Variants in ZNF420 observed in about 807,000 individuals in gnomAD.
The protein encoded by ZNF420 is ATM and p53-associated KZNF protein.
ZNF420 carries 31 observed loss-of-function variants against 44.7 expected under a neutral mutation model. The ratio of observed to expected loss-of-function variants is 0.69; its 90% CI spans 0.52 to 0.94. ZNF420 has a LOEUF of 0.94. Among genes scored for constraint, ZNF420 ranks in the 40% least tolerant of loss-of-function variants. The probability of loss-of-function intolerance (pLI) is 0.00; values close to 1 mark genes in which losing one functional copy is unlikely to be tolerated. For synonymous variants in ZNF420, 245 were observed against 267.4 expected, an observed-to-expected ratio of 0.92 and a Z score of 0.82; for missense variants, 681 against 827.9, an observed-to-expected ratio of 0.82 and a Z score of 2.18.
At chr19:37,027,349 C>T (rs754596824) in intron 1 of ZNF420, among the ~76,000 whole-genome samples, 20 of 152,188 alleles carry the variant, frequency 1.3e-4, no homozygotes, top group Non-Finnish European at 2.8e-4. Context: ...ATCCCCCTCA[C>T]ACCATAGTAC....
chr19:37,049,582 ATTTG>A (rs1337942485), intron 1 of ZNF420, among the ~76,000 whole-genome samples: 6 of 151,984 alleles, frequency 3.9e-5, no homozygotes, highest in African/African-American at 7.3e-5. Context: ...TTTCTTGTAA[ATTTG>A]TTTGAGTTCA....
intron 1 of ZNF420, among the ~76,000 whole-genome samples, chr19:37,046,604 G>C (rs1967545842): frequency 6.6e-6 from 1 of 152,170 alleles, no homozygotes; most frequent in African/African-American, 2.4e-5. Context: ...GGGGCTGAAA[G>C]GTGTGAATCA....
chr19:37,014,991 G>T (rs1003012894), intron 1 of ZNF420, among the ~76,000 whole-genome samples: 1 of 152,186 alleles, frequency 6.6e-6, no homozygotes, highest in East Asian at 1.9e-4. Flanking sequence ...CTTGAAAGTC[G>T]TCCCCCCGGG....
rs147243979 is a variant in ZNF420, at chr19:37,112,462, T to C, written c.137-14666T>C. Among the ~76,000 whole-genome samples, 514 of 152,338 alleles carry C rather than the reference T, an allele frequency of 3.4e-3. 5 individuals are homozygous for C. The highest frequency in any genetic ancestry group is 0.012 in the African/African-American group (495 of 41,590). ...TTTGATACACTTCTGAGGCAGTGCC[T>C]ACGCCGACAAGTCCTGTAACAGCCT... On this transcript the variant is annotated intron_variant, in intron 4 of 4. Coordinates refer to ENST00000337995, the MANE Select transcript of ZNF420 (RefSeq NM_144689.5).
At chr19:37,076,380 A>ATT (rs869100761), upstream of ZNF420, among the ~76,000 whole-genome samples, 1 of 106,850 alleles carries the variant, frequency 9.4e-6, no homozygotes, top group Non-Finnish European at 2.0e-5. Context: ...TTTTATTTTT[A>ATT]TTTATTTATT....
At chr19:37,022,192 AT>A (rs1451918211) in intron 1 of ZNF420, among the ~76,000 whole-genome samples, 2 of 151,442 alleles carry the variant, frequency 1.3e-5, no homozygotes, top group Admixed American at 6.6e-5. Flanking sequence ...GGGCAAAAAA[AT>A]CTAATGTGGC....
At chr19:37,053,296 A>G (rs996704653) in intron 1 of ZNF420, among the ~76,000 whole-genome samples, 2 of 152,292 alleles carry the variant, frequency 1.3e-5, no homozygotes, top group Non-Finnish European at 2.9e-5. Flanking sequence ...CCTCTTTGCC[A>G]TGGGTTCAAA....
intron 1 of ZNF420, among the ~76,000 whole-genome samples, chr19:37,043,214 T>C (rs569301283): frequency 1.3e-5 from 2 of 152,332 alleles, no homozygotes; most frequent in African/African-American, 2.4e-5. Context: ...GTGGCACAGA[T>C]AGACGCTCCA....
At chr19:37,121,174 C>T (rs1971010770) in intron 4 of ZNF420, among the ~76,000 whole-genome samples, 2 of 145,124 alleles carry the variant, frequency 1.4e-5, no homozygotes, top group Admixed American at 1.4e-4. Flanking sequence ...CAAGTCAATC[C>T]TAAGCCAAAA....
chr19:37,008,678 G>A (rs2074546700), intron 1 of ZNF420, among the ~76,000 whole-genome samples: 1 of 152,206 alleles, frequency 6.6e-6, no homozygotes, highest in Non-Finnish European at 1.5e-5. Context: ...CCCTGTCACT[G>A]GAACACTGGC....
At chr19:37,054,174 T>A (rs762184095) in intron 1 of ZNF420, among the ~76,000 whole-genome samples, 1 of 152,162 alleles carries the variant, frequency 6.6e-6, no homozygotes, top group Non-Finnish European at 1.5e-5. Context: ...TGGGATATAA[T>A]CTCCTGGTGT....
upstream of ZNF420, among the ~76,000 whole-genome samples, chr19:37,076,959 TTC>T (rs1395029088): frequency 6.6e-6 from 1 of 152,190 alleles, no homozygotes; most frequent in Non-Finnish European, 1.5e-5. Flanking sequence ...CCCTCAAGAA[TTC>T]TGATCACCAA....
intron 1 of ZNF420, among the ~76,000 whole-genome samples, chr19:37,016,862 G>A (rs142699945): frequency 6.6e-6 from 1 of 152,314 alleles, no homozygotes; most frequent in East Asian, 1.9e-4. Context: ...CAAGTCTGAA[G>A]CAAGATGACT....
At chr19:37,076,082 A>G (rs562465359), upstream of ZNF420, among the ~76,000 whole-genome samples, 6 of 152,244 alleles carry the variant, frequency 3.9e-5, no homozygotes, top group South Asian at 1.0e-3. Context: ...ACATATCAAC[A>G]CATATAAAAT....
chr19:37,065,884 A>G lies in ZNF420; in HGVS notation c.-124-14461A>G, dbSNP rs373775817. ...CAATAAATGGCACTAGAACAACTTG[A>G]TATCCATACAGAAAAAGAAATAAAT... On this transcript the variant is annotated intron_variant, in intron 1 of 4. Coordinates refer to the ZNF420 transcript ENST00000587029. Among the ~76,000 whole-genome samples, 15 of 152,330 alleles carry G rather than the reference A, an allele frequency of 9.8e-5. No individual in the cohort carries two copies. In the South Asian group the frequency reaches 3.1e-3, roughly 32 times the overall value.
chr19:37,125,791 C>T (rs992650257), intron 4 of ZNF420, among the ~76,000 whole-genome samples: 1 of 9,334 alleles, frequency 1.1e-4, no homozygotes, highest in African/African-American at 1.3e-3. Flanking sequence ...CACCATAATC[C>T]AAATTTTTGA....
rs374214806 is a variant in ZNF420 at position 37,043,612 on chromosome 19, C to CTGTA, written c.-125+35531_-125+35532insGTAT. Among the ~76,000 whole-genome samples, 490 of 152,244 alleles carry CTGTA rather than the reference C, an allele frequency of 3.2e-3. 5 individuals carry two copies. Among genetic ancestry groups the CTGTA allele is most frequent in the African/African-American group, 0.011 (471 of 41,538 alleles). ...GCCTCAGCCTTCCAAGTAGCTGGGACTACAGGCCCTGTCACCATGCCCAGC... is the reference window on the plus strand; with the variant it reads ...GCCTCAGCCTTCCAAGTAGCTGGGACTGTATACAGGCCCTGTCACCATGCCCAGC... On this transcript the variant is annotated intron_variant, in intron 1 of 4. Transcript: ENST00000587029.
At chr19:37,090,971 T>C in intron 3 of ZNF420, 24 bp from the exon 4 acceptor site, 1 of 1,595,674 alleles carries the variant, frequency 6.3e-7, no homozygotes, top group Non-Finnish European at 8.5e-7. Flanking sequence ...ATTTCCAAAA[T>C]TAACATTTTG....
chr19:37,021,335 TCTGCTCA>T (rs145466740), intron 1 of ZNF420, among the ~76,000 whole-genome samples: 3,676 of 152,280 alleles, frequency 0.024, 160 homozygotes, highest in African/African-American at 0.083. Flanking sequence ...TGGTGCTATC[TCTGCTCA>T]CCGCAACTTC....
Sources: allele counts gnomAD v4.1 joint callset (sites outside exome capture counted in the v4.1 genomes callset), GRCh38; gene constraint gnomAD v4.1.1; transcripts MANE v1.5; gene names NCBI Gene and HGNC (gene_info 2026-07-23, HGNC 2026-07-21).